The following SHROOM3 variants were observed in gnomAD, a reference collection of about 807,000 sequenced individuals.
The protein encoded by SHROOM3 is shroom family member 3, also known as protein Shroom3.
A neutral mutation model predicts 138.6 loss-of-function variants in SHROOM3; 47 were observed. That is an observed-to-expected ratio of 0.34 (90% confidence interval 0.27 to 0.43). SHROOM3 has a LOEUF of 0.43. Among genes scored for constraint, SHROOM3 ranks in the 20% least tolerant of loss-of-function variants. The pLI is 1.00. For synonymous variants in SHROOM3, 1,062 were observed against 1,063.3 expected (o/e 1.00, Z 0.02); for missense variants, 2,491 against 2,596.5 (o/e 0.96, Z 0.88).
intron 1 of SHROOM3, among the ~76,000 whole-genome samples, chr4:76,457,712 G>A (rs771780710): frequency 3.3e-5 from 5 of 151,416 alleles, no homozygotes; most frequent in African/African-American, 4.9e-5. Context: ...GGATGGCCTC[G>A]ATCTCCTGAC....
intron 1 of SHROOM3, among the ~76,000 whole-genome samples, chr4:76,527,473 C>T (rs1732716261): frequency 6.6e-6 from 1 of 152,168 alleles, no homozygotes; most frequent in Non-Finnish European, 1.5e-5. Flanking sequence ...ATCCCAGCTA[C>T]TCGGGAGGCT....
At chr4:76,688,961 CTTTTTT>C in intron 2 of SHROOM3, 5 of 831,836 alleles carry the variant, frequency 6.0e-6, no homozygotes, top group African/African-American at 2.0e-5. Context: ...GTAATGCGAG[CTTTTTT>C]TTTTTTTTTT....
At chr4:76,626,044 A>C (rs2110069199) in intron 2 of SHROOM3, among the ~76,000 whole-genome samples, 1 of 152,326 alleles carries the variant, frequency 6.6e-6, no homozygotes, top group East Asian at 1.9e-4. Flanking sequence ...CAGAGGGCAG[A>C]ATGTGCTCTG....
At position 76,741,526 on chromosome 4, in the gene SHROOM3, G is replaced by T; in HGVS notation, c.3353G>T (p.Ser1118Ile). The stretch of plus-strand genomic sequence containing the variant: ...GGGCCACTGCGTGAGCGCGCCCAGA[G>T]TGCCTACCTCCAGCCCGGCCCCGCG... ...EPGPLRERAQ[S>I]AYLQPGPAAL... Residue 1118 changes from serine to isoleucine, a missense_variant, in exon 5 of 11, where the codon AGT (serine) becomes ATT (isoleucine). Ser to Ile is a moderately radical substitution (Grantham distance 142). Around this residue, in one of 4 missense-constraint regions of SHROOM3, gnomAD observed 1,733 missense variants for 1,661.6 expected, o/e 1.04. Transcript: ENST00000296043. This position sits in a 1 kb window ranked among gnomAD's most constrained non-coding sequence, Gnocchi z 6.2. 6.4e-7 allele frequency: 1 copy of T among 1,554,512 alleles called. No homozygotes were observed. Among genetic ancestry groups the T allele is most frequent in the Non-Finnish European group, 8.6e-7 (1 of 1,156,346 alleles).
At chr4:76,591,303 C>T (rs1199451832) in intron 2 of SHROOM3, among the ~76,000 whole-genome samples, 1 of 152,170 alleles carries the variant, frequency 6.6e-6, no homozygotes, top group Admixed American at 6.5e-5. Flanking sequence ...ATATAATCAC[C>T]TAAAAGGAAC....
Position 76,483,820 on chromosome 4 carries a change from G to T in SHROOM3, c.168+47600G>T, listed in dbSNP as rs182416077. 3.9e-3 allele frequency among the ~76,000 whole-genome samples: 599 copies of T among 152,216 alleles called. 1 individual carries two copies. The highest frequency in any genetic ancestry group is 0.014 in the African/African-American group (568 of 41,526). ...TGGAATAATATACAGCCATAAAAAA[G>T]GATGAGTTAATGTCCTTTGCAGGGG... On this transcript the variant is annotated intron_variant, in intron 1 of 10. Coordinates refer to ENST00000296043, the MANE Select transcript of SHROOM3 (RefSeq NM_020859.4).
intron 2 of SHROOM3, among the ~76,000 whole-genome samples, chr4:76,578,137 C>T (rs1407145710): frequency 1.3e-5 from 2 of 152,164 alleles, no homozygotes; most frequent in East Asian, 1.9e-4. Flanking sequence ...AGAAAACACA[C>T]CCCTAATTTT....
chr4:76,754,234 T>C, intron 6 of SHROOM3, 77 bp from the exon 7 acceptor site: 1 of 1,577,404 alleles, frequency 6.3e-7, no homozygotes, highest in South Asian at 1.1e-5. Context: ...GCTTTTCTCA[T>C]CTATGTAAGG....
Position 76,721,310 on chromosome 4 carries a change from CAAAA to C in SHROOM3, c.456-9484_456-9481del, listed in dbSNP as rs539572222. 5.1e-3 allele frequency among the ~76,000 whole-genome samples: 579 copies of C among 112,924 alleles called. 3 individuals are homozygous for C. Among genetic ancestry groups the C allele is most frequent in the African/African-American group, 0.018 (542 of 30,244 alleles). 74.1% of individuals were successfully genotyped at this position (112,924 alleles called of 152,430 possible). A position where few individuals can be genotyped will look rare whatever the true frequency, so the allele number is the denominator to read the frequency against. On this transcript the variant is annotated intron_variant, in intron 3 of 10. Transcript: ENST00000296043. ...TGGGTGACAGAGCGAGACTCCGTCTCAAAAAAAAAAAAAGAATTTCTGCAGACAT... is the reference window on the plus strand; with the variant it reads ...TGGGTGACAGAGCGAGACTCCGTCTCAAAAAAAAAGAATTTCTGCAGACAT...
Position 76,545,745 on chromosome 4 carries a change from A to G in SHROOM3, c.169-9864A>G, listed in dbSNP as rs190112820. Among the ~76,000 whole-genome samples, 96 of 152,332 alleles carry G rather than the reference A, an allele frequency of 6.3e-4. No homozygotes were observed. In the South Asian group the frequency reaches 9.5e-3, roughly 15 times the overall value. ...TAAGGGACTTTCCGTGTGTTTGTTC[A>G]TGCAATCCTTACACCAACCCTATGT... On this transcript the variant is annotated intron_variant, in intron 1 of 10. Transcript: ENST00000296043.
At chr4:76,644,587 A>G (rs1193707731) in intron 2 of SHROOM3, among the ~76,000 whole-genome samples, 1 of 149,732 alleles carries the variant, frequency 6.7e-6, no homozygotes, top group South Asian at 2.1e-4. Context: ...TTTAACTTTT[A>G]TTTTTAATTG....
At chr4:76,497,327 CTCTT>C (rs896243588) in intron 1 of SHROOM3, among the ~76,000 whole-genome samples, 3 of 152,200 alleles carry the variant, frequency 2.0e-5, no homozygotes, top group African/African-American at 7.2e-5. Context: ...TTTCAGTAAT[CTCTT>C]TCTAAGTAAA....
At chr4:76,437,749 C>G (rs1730590322) in intron 1 of SHROOM3, among the ~76,000 whole-genome samples, 1 of 152,148 alleles carries the variant, frequency 6.6e-6, no homozygotes, top group Admixed American at 6.5e-5. Context: ...ATTTGAGGTT[C>G]TTTTTGCAGG....
At position 76,741,653 on chromosome 4, in the gene SHROOM3, T is replaced by C; in HGVS notation, c.3480T>C (p.Val1160=). 6.5e-7 allele frequency: 1 copy of C among 1,547,996 alleles called. No individual in the cohort carries two copies. ...AGGCCACGCTCCTGCCGGCCACAGT[T>C]GCAGAAACCCAGCAGGCTCCCCGAG... is the stretch of plus-strand genomic sequence containing the variant. ...RREATLLPAT[V]AETQQAPRDR... is the part of the protein sequence containing the mutation. Residue 1160 remains valine (V), a synonymous_variant, in exon 5 of 11, where the codon GTT becomes GTC. Transcript: ENST00000296043. This position sits in a 1 kb window ranked among gnomAD's most constrained non-coding sequence, Gnocchi z 6.2.
chr4:76,580,504 G>A (rs1010070751), intron 2 of SHROOM3, among the ~76,000 whole-genome samples: 2 of 142,178 alleles, frequency 1.4e-5, no homozygotes, highest in Admixed American at 1.5e-4. Flanking sequence ...CCAGGCTGGA[G>A]TGTAACGGCG....
At position 76,614,525 on chromosome 4, in the gene SHROOM3, A is replaced by G. The variant is rs191861978; in HGVS notation, c.323+58762A>G. On this transcript the variant is annotated intron_variant, in intron 2 of 10. Coordinates refer to ENST00000296043, the MANE Select transcript of SHROOM3 (RefSeq NM_020859.4). ...TTTGGGATACATGTGCAGAATGTGCAGGTTTGTTACATAGGTATATATGTG... is the reference window on the plus strand; with the variant it reads ...TTTGGGATACATGTGCAGAATGTGCGGGTTTGTTACATAGGTATATATGTG... 7.2e-5 allele frequency among the ~76,000 whole-genome samples: 11 copies of G among 152,098 alleles called. No individual in the cohort carries two copies. In the East Asian group the frequency reaches 2.1e-3, roughly 29 times the overall value.
At chr4:76,653,295 A>C (rs1735999792) in intron 2 of SHROOM3, among the ~76,000 whole-genome samples, 1 of 151,832 alleles carries the variant, frequency 6.6e-6, no homozygotes, top group Non-Finnish European at 1.5e-5. Flanking sequence ...GGGGTTGGAT[A>C]GTTCTTTGTT....
chr4:76,676,729 C>T (rs1410880161), intron 2 of SHROOM3, among the ~76,000 whole-genome samples: 1 of 151,630 alleles, frequency 6.6e-6, no homozygotes, highest in African/African-American at 2.4e-5. Flanking sequence ...AAACTCTGAC[C>T]CTTGGAGAGC....
chr4:76,756,421 T>TC, intron 7 of SHROOM3, 28 bp from the exon 8 acceptor site: 1 of 1,460,562 alleles, frequency 6.8e-7, no homozygotes, highest in East Asian at 2.5e-5. Flanking sequence ...CTCTCTCTTT[T>TC]TTTTTTTTTT....
Sources: gnomAD v4.1 joint callset for allele counts (sites outside exome capture counted in the v4.1 genomes callset) on GRCh38, gnomAD v4.1.1 for gene constraint, gnomAD v4.1.1 regional missense constraint, Gnocchi (gnomAD v3.1) non-coding constraint, MANE v1.5 for transcripts, NCBI Gene and HGNC (gene_info 2026-07-23, HGNC 2026-07-21) for gene names.